The following CSMD3 variants were observed in gnomAD, a reference collection of about 807,000 sequenced individuals.
CSMD3 encodes the protein CUB and sushi domain-containing protein 3.
A neutral mutation model predicts 435.2 loss-of-function variants in CSMD3; 177 were observed. The ratio of observed to expected loss-of-function variants is 0.41; its 90% CI spans 0.36 to 0.46. The LOEUF is 0.46. CSMD3 is among the 20% of genes least tolerant of loss of function. CSMD3 has a pLI of 0.34. For synonymous variants in CSMD3, 1,656 were observed against 1,520.5 expected (o/e 1.09, Z -2.07); for missense variants, 4,265 against 4,504.6 (o/e 0.95, Z 1.52).
At chr8:112,910,370 C>T (rs948544592) in intron 10 of CSMD3, among the ~76,000 whole-genome samples, 5 of 151,842 alleles carry the variant, frequency 3.3e-5, no homozygotes, top group African/African-American at 9.6e-5. Flanking sequence ...GGGTTTCTTC[C>T]TTCCTCAGAT....
At chr8:112,331,660 A>G (rs2061645965) in intron 45 of CSMD3, among the ~76,000 whole-genome samples, 2 of 152,006 alleles carry the variant, frequency 1.3e-5, no homozygotes, top group African/African-American at 2.4e-5. Context: ...AAAATATTGA[A>G]CTGTCAACCT....
At chr8:112,523,290 A>G (rs1250153341) in intron 27 of CSMD3, among the ~76,000 whole-genome samples, 1 of 151,970 alleles carries the variant, frequency 6.6e-6, no homozygotes, top group Non-Finnish European at 1.5e-5. Flanking sequence ...CTGGCCTAGG[A>G]ATATTTCATC....
intron 35 of CSMD3, among the ~76,000 whole-genome samples, chr8:112,402,210 A>T (rs145233908): frequency 6.6e-6 from 1 of 152,262 alleles, no homozygotes; most frequent in East Asian, 1.9e-4. Flanking sequence ...ATTTTCCAGG[A>T]TCTTATTGTA....
chr8:112,992,165 T>G (rs1187870590), intron 6 of CSMD3, among the ~76,000 whole-genome samples: 1 of 151,894 alleles, frequency 6.6e-6, no homozygotes, highest in African/African-American at 2.4e-5. Flanking sequence ...TATTTTAATA[T>G]GTCTTCGTTC....
chr8:113,220,672 T>C (rs1324652771), intron 3 of CSMD3, among the ~76,000 whole-genome samples: 2 of 151,504 alleles, frequency 1.3e-5, no homozygotes, highest in African/African-American at 2.4e-5. Flanking sequence ...CCAAAAATTA[T>C]CAGTGGATTG....
chr8:112,962,748 T>C (rs1008585998), intron 7 of CSMD3, among the ~76,000 whole-genome samples: 7 of 152,054 alleles, frequency 4.6e-5, no homozygotes, highest in Admixed American at 4.6e-4. Flanking sequence ...CTATTCAAAA[T>C]GCCAACACAC....
At chr8:112,776,110 A>G (rs2132221855) in intron 13 of CSMD3, among the ~76,000 whole-genome samples, 1 of 151,940 alleles carries the variant, frequency 6.6e-6, no homozygotes. Flanking sequence ...ATCTTTTAGA[A>G]AATGATAGAG....
At chr8:112,367,165 T>C (rs915647359) in intron 38 of CSMD3, among the ~76,000 whole-genome samples, 1 of 152,088 alleles carries the variant, frequency 6.6e-6, no homozygotes, top group African/African-American at 2.4e-5. Flanking sequence ...ATGTATATAA[T>C]AAATGTGCTA....
chr8:112,495,924 A>G (rs1417352059), intron 30 of CSMD3, among the ~76,000 whole-genome samples: 5 of 150,766 alleles, frequency 3.3e-5, no homozygotes, highest in East Asian at 1.9e-4. Flanking sequence ...ATGTATATGT[A>G]TATATATATA....
intron 1 of CSMD3, among the ~76,000 whole-genome samples, chr8:113,318,526 C>T (rs148166996): frequency 4.6e-5 from 7 of 152,178 alleles, no homozygotes; most frequent in African/African-American, 1.4e-4. Flanking sequence ...GGCCTCTAAA[C>T]TTGTTCATCC....
chr8:113,283,431 A>G (rs2093625970), intron 2 of CSMD3, among the ~76,000 whole-genome samples: 1 of 152,172 alleles, frequency 6.6e-6, no homozygotes. Context: ...GGGCATGAAT[A>G]GACAATTCTC....
At chr8:113,008,667 A>T (rs1242782458) in intron 6 of CSMD3, among the ~76,000 whole-genome samples, 1 of 151,706 alleles carries the variant, frequency 6.6e-6, no homozygotes, top group African/African-American at 2.4e-5. Flanking sequence ...ATGTAGCTGT[A>T]TTGTAGTGAA....
In CSMD3 at chr8:112,550,821, A is replaced by G. The variant is rs895136639; in HGVS notation, c.4414T>C (p.Trp1472Arg). Residue 1472 changes from tryptophan to arginine, a missense_variant, in exon 27 of 71, where the codon TGG becomes CGG. Physicochemically the swap from Trp to Arg is moderately radical, Grantham distance 101. This residue lies in a region of CSMD3 where 3,255 missense variants were observed against 3,380.2 expected (regional missense o/e 0.96). Transcript: ENST00000297405. ...ATATCATTTTCTGGTGGACCGTCCC[A>G]GACTCGGAGTATATCATGTGATGCT... ...TEASHDILRVWDGPPENDMLL... is the reference protein window; with the variant it reads ...TEASHDILRVRDGPPENDMLL... 1 of 1,612,608 alleles carries G rather than the reference A, an allele frequency of 6.2e-7. No homozygotes were observed. Among genetic ancestry groups the G allele is most frequent in the South Asian group, 1.1e-5 (1 of 91,062 alleles).
intron 32 of CSMD3, among the ~76,000 whole-genome samples, chr8:112,468,351 A>G (rs1290428244): frequency 6.6e-6 from 1 of 151,712 alleles, no homozygotes; most frequent in Non-Finnish European, 1.5e-5. Flanking sequence ...TGCTGGAGTA[A>G]GAGAAAATAA....
At chr8:113,008,150 T>C (rs971332205) in intron 6 of CSMD3, among the ~76,000 whole-genome samples, 3 of 151,886 alleles carry the variant, frequency 2.0e-5, no homozygotes, top group Non-Finnish European at 4.4e-5. Flanking sequence ...CAGAATTTTG[T>C]TGAAGTCCCT....
At chr8:112,640,221 A>T (rs1245973955) in intron 20 of CSMD3, among the ~76,000 whole-genome samples, 1 of 152,046 alleles carries the variant, frequency 6.6e-6, no homozygotes, top group Non-Finnish European at 1.5e-5. Flanking sequence ...CACACAACAC[A>T]CTGTGTGTAA....
At chr8:112,345,040 T>G (rs569378074) in intron 41 of CSMD3, among the ~76,000 whole-genome samples, 9 of 152,224 alleles carry the variant, frequency 5.9e-5, no homozygotes, top group African/African-American at 9.6e-5. Flanking sequence ...TCAGGGTATA[T>G]CCATACATAG....
intron 38 of CSMD3, among the ~76,000 whole-genome samples, chr8:112,361,636 A>G (rs1404972483): frequency 7.2e-6 from 1 of 138,066 alleles, no homozygotes; most frequent in African/African-American, 2.7e-5. Context: ...AGTATTCCAA[A>G]TTGATTTCAA....
At chr8:113,001,789 T>A (rs1002760124) in intron 6 of CSMD3, among the ~76,000 whole-genome samples, 1 of 152,104 alleles carries the variant, frequency 6.6e-6, no homozygotes. Flanking sequence ...TTCGAGGACC[T>A]GCTGTAAGTC....
Sources: allele counts gnomAD v4.1 joint callset (sites outside exome capture counted in the v4.1 genomes callset), GRCh38; gene constraint gnomAD v4.1.1; regional missense constraint gnomAD v4.1.1; transcripts MANE v1.5; gene names NCBI Gene and HGNC (gene_info 2026-07-23, HGNC 2026-07-21).